The following GLMN variants were observed in gnomAD, a reference collection of about 807,000 sequenced individuals.
The protein encoded by GLMN is glomulin.
GLMN carries 75 observed loss-of-function variants against 87.8 expected under a neutral mutation model. That is an observed-to-expected ratio of 0.85 (90% CI 0.71 to 1.04). The LOEUF is 1.04. GLMN is among the 50% of genes least tolerant of loss of function. GLMN has a pLI of 0.00. For synonymous variants in GLMN, 206 were observed against 221.6 expected, an observed-to-expected ratio of 0.93 and a Z score of 0.63; for missense variants, 588 against 658.8, an observed-to-expected ratio of 0.89 and a Z score of 1.18.
intron 7 of GLMN, among the ~76,000 whole-genome samples, chr1:92,285,852 T>C (rs1399421619): frequency 6.6e-6 from 1 of 152,216 alleles, no homozygotes; most frequent in East Asian, 1.9e-4. Flanking sequence ...ATTTCTCTAA[T>C]ACAGAATCTG....
At chr1:92,363,476 A>G in the GLMN span, among the ~76,000 whole-genome samples, 1 of 152,136 alleles carries the variant, frequency 6.6e-6, no homozygotes, top group African/African-American at 2.4e-5. Flanking sequence ...TAGAAGGGAG[A>G]GATTTTTACA....
chr1:92,349,077 G>T, the GLMN span, among the ~76,000 whole-genome samples: 14 of 152,134 alleles, frequency 9.2e-5, no homozygotes, highest in East Asian at 2.7e-3. Flanking sequence ...GCATACATGG[G>T]TGTATGTCTT....
At chr1:92,323,905 ATAAG>A in the GLMN span, 11 of 1,614,182 alleles carry the variant, frequency 6.8e-6, no homozygotes, top group South Asian at 1.2e-4. Context: ...TCTAGTAGGC[ATAAG>A]TAAGAAAAGT....
At chr1:92,305,902 A>C in the GLMN span, among the ~76,000 whole-genome samples, 1 of 152,220 alleles carries the variant, frequency 6.6e-6, no homozygotes, top group Non-Finnish European at 1.5e-5. Flanking sequence ...AAGTCTTTGC[A>C]CATTCTCTAT....
intron 7 of GLMN, among the ~76,000 whole-genome samples, chr1:92,275,910 T>G (rs892534588): frequency 2.0e-5 from 3 of 152,172 alleles, no homozygotes; most frequent in Non-Finnish European, 4.4e-5. Context: ...CTTTAGGTAA[T>G]CTCACCCCCT....
the GLMN span, among the ~76,000 whole-genome samples, chr1:92,319,537 T>G: frequency 2.0e-5 from 3 of 151,904 alleles, no homozygotes; most frequent in Non-Finnish European, 2.9e-5. Flanking sequence ...AAGGCTGAGG[T>G]GGGGGCAGTG....
intron 7 of GLMN, among the ~76,000 whole-genome samples, chr1:92,279,624 C>T (rs534915733): frequency 1.3e-5 from 2 of 152,062 alleles, no homozygotes; most frequent in South Asian, 2.1e-4. Context: ...GTGCAGCCCA[C>T]GGAGGGCAAG....
At position 92,247,106 on chromosome 1, in the gene GLMN, T is replaced by C. The variant is rs775854682; in HGVS notation, c.1624A>G (p.Ser542Gly). 1.9e-6 allele frequency: 3 copies of C among 1,578,216 alleles called. No homozygotes were observed. The highest frequency in any genetic ancestry group is 2.6e-6 in the Non-Finnish European group (3 of 1,148,166). ...KSKDLCSITV[S>G]GEEIPNMPPE... ...GGCATATTAGGGATCTCTTCTCCAC[T>C]TACAGTTATAGAACAAAGATCTTTA... is the stretch of plus-strand genomic sequence containing the variant. The change falls in exon 18 of 19, where the codon AGT becomes GGT. Residue 542 changes from serine (S) to glycine (G), a missense_variant. Coordinates refer to ENST00000370360, the MANE Select transcript of GLMN (RefSeq NM_053274.3).
chr1:92,352,536 T>C, the GLMN span, among the ~76,000 whole-genome samples: 1 of 152,188 alleles, frequency 6.6e-6, no homozygotes, highest in Non-Finnish European at 1.5e-5. Context: ...CCTTAGAAAT[T>C]TATTGGTTAC....
At chr1:92,249,029 A>G (rs1361056377) in intron 16 of GLMN, among the ~76,000 whole-genome samples, 2 of 151,992 alleles carry the variant, frequency 1.3e-5, no homozygotes, top group Non-Finnish European at 2.9e-5. Flanking sequence ...AATTAAAATA[A>G]CTCAACAGGA....
the GLMN span, among the ~76,000 whole-genome samples, chr1:92,351,840 C>T: frequency 6.6e-6 from 1 of 152,082 alleles, no homozygotes; most frequent in Non-Finnish European, 1.5e-5. Context: ...GTAACTTTTC[C>T]TCCCAAATTT....
chr1:92,342,599 C>T, the GLMN span, among the ~76,000 whole-genome samples: 5 of 151,962 alleles, frequency 3.3e-5, no homozygotes, highest in African/African-American at 7.3e-5. Flanking sequence ...ACAGATGGGC[C>T]GAGGCAGAGA....
intron 13 of GLMN, among the ~76,000 whole-genome samples, chr1:92,265,786 G>A (rs1330631908): frequency 6.6e-6 from 1 of 152,192 alleles, no homozygotes; most frequent in African/African-American, 2.4e-5. Flanking sequence ...TCCCAGGTAA[G>A]ACATTTTAGC....
the GLMN span, among the ~76,000 whole-genome samples, chr1:92,335,541 T>C: frequency 5.6e-4 from 86 of 152,298 alleles, no homozygotes; most frequent in Middle Eastern, 3.4e-3. Context: ...GGCATATGTA[T>C]ATTCATTCTA....
At chr1:92,305,674 C>T in the GLMN span, among the ~76,000 whole-genome samples, 1 of 151,222 alleles carries the variant, frequency 6.6e-6, no homozygotes, top group Non-Finnish European at 1.5e-5. Context: ...AAAAGACAGA[C>T]AAACTAATAG....
intron 7 of GLMN, among the ~76,000 whole-genome samples, chr1:92,278,916 G>C (rs1181998987): frequency 5.3e-5 from 8 of 152,014 alleles, no homozygotes; most frequent in Admixed American, 5.2e-4. Flanking sequence ...CCCTCTCATG[G>C]TCACACCCCA....
chr1:92,293,555 C>G (rs1297561212), intron 3 of GLMN, among the ~76,000 whole-genome samples: 1 of 151,860 alleles, frequency 6.6e-6, no homozygotes, highest in African/African-American at 2.4e-5. Flanking sequence ...GGCAGTTCCT[C>G]AAAAAATACA....
the GLMN span, chr1:92,363,627 C>T: frequency 8.5e-6 from 2 of 236,440 alleles, no homozygotes; most frequent in Admixed American, 4.8e-5. Flanking sequence ...TGTGCAAGTC[C>T]ACTTCTATGC....
intron 2 of GLMN, 59 bp downstream of exon 2, chr1:92,297,902 C>T: frequency 1.2e-6 from 1 of 866,862 alleles, no homozygotes; most frequent in Admixed American, 1.8e-5. Context: ...TAATTAAAAA[C>T]AATCTGTGCC....
Sources: allele counts gnomAD v4.1 joint callset (sites outside exome capture counted in the v4.1 genomes callset), GRCh38; gene constraint gnomAD v4.1.1; transcripts MANE v1.5; gene names NCBI Gene and HGNC (gene_info 2026-07-23, HGNC 2026-07-21).